DIP2C: variants seen among roughly 807,000 people sequenced by gnomAD.
DIP2C encodes DIP2 acetate--CoA ligase C (putative).
DIP2C carries 33 observed loss-of-function variants against 192.4 expected under a neutral mutation model. The observed-to-expected ratio is 0.17, with a 90% CI of 0.13 to 0.23. The LOEUF (loss-of-function observed/expected upper bound fraction) is 0.23, where lower values mean the gene tolerates loss of function less well. DIP2C is among the 10% of genes least tolerant of loss of function. The pLI is 1.00. For missense variants in DIP2C, 1,537 were observed against 2,110.1 expected (o/e 0.73, Z 5.32); for synonymous variants, 979 against 864.1 (o/e 1.13, Z -2.33).
intron 1 of DIP2C, among the ~76,000 whole-genome samples, chr10:594,816 T>C (rs1368572653): frequency 6.6e-6 from 1 of 152,190 alleles, no homozygotes; most frequent in Non-Finnish European, 1.5e-5. Context: ...CGGGTTCAGA[T>C]CATGTCGAAT....
intron 3 of DIP2C, among the ~76,000 whole-genome samples, chr10:470,338 C>G (rs1476658652): frequency 6.6e-6 from 1 of 152,200 alleles, no homozygotes; most frequent in Non-Finnish European, 1.5e-5. Context: ...TTGGGTCTAG[C>G]TTCCCCTCCA....
chr10:372,995 G>C (rs1961173724), intron 17 of DIP2C, among the ~76,000 whole-genome samples: 1 of 152,200 alleles, frequency 6.6e-6, no homozygotes, highest in East Asian at 1.9e-4. Context: ...CATGCATAGG[G>C]ACTCGCTTAA....
At chr10:476,449 T>C (rs1843036711) in intron 2 of DIP2C, among the ~76,000 whole-genome samples, 1 of 152,212 alleles carries the variant, frequency 6.6e-6, no homozygotes, top group Non-Finnish European at 1.5e-5. Flanking sequence ...TAGCTAACAC[T>C]GCAGCCCTGG....
chr10:625,387 A>G (rs1023932699), intron 1 of DIP2C, among the ~76,000 whole-genome samples: 60 of 152,336 alleles, frequency 3.9e-4, no homozygotes, highest in Admixed American at 1.4e-3. Flanking sequence ...CCGATTCCTA[A>G]ATTAAACACT....
intron 1 of DIP2C, among the ~76,000 whole-genome samples, chr10:655,050 C>A (rs1006172844): frequency 5.3e-5 from 8 of 152,120 alleles, no homozygotes; most frequent in Admixed American, 3.3e-4. Flanking sequence ...GGGGAACTTG[C>A]TCAGGGGGCT....
At chr10:373,944 T>C (rs1961277176) in intron 17 of DIP2C, among the ~76,000 whole-genome samples, 1 of 152,194 alleles carries the variant, frequency 6.6e-6, no homozygotes, top group African/African-American at 2.4e-5. Flanking sequence ...ATACTCGCAA[T>C]AGCCCCCCGG....
intron 19 of DIP2C, chr10:364,906 A>T (rs1960005599): frequency 7.0e-6 from 4 of 567,886 alleles, no homozygotes; most frequent in Admixed American, 4.4e-5. Flanking sequence ...CTTGGTTTAC[A>T]AAACCACAAT....
At chr10:587,650 G>A (rs576401561) in intron 1 of DIP2C, among the ~76,000 whole-genome samples, 2 of 144,246 alleles carry the variant, frequency 1.4e-5, no homozygotes, top group South Asian at 4.5e-4. Context: ...ATCCACACCA[G>A]CCACTGCCTC....
intron 1 of DIP2C, among the ~76,000 whole-genome samples, chr10:570,990 C>T (rs906435468): frequency 2.0e-5 from 3 of 152,220 alleles, no homozygotes; most frequent in African/African-American, 7.2e-5. Flanking sequence ...GCAGCAAGAG[C>T]CCCGCAGGCT....
chr10:461,954 C>A (rs1034452594), intron 3 of DIP2C, among the ~76,000 whole-genome samples: 3 of 152,042 alleles, frequency 2.0e-5, no homozygotes, highest in Non-Finnish European at 2.9e-5. Flanking sequence ...GAAATTAAGG[C>A]AGAAATAAAT....
At chr10:513,755 T>C (rs1007373835) in intron 1 of DIP2C, among the ~76,000 whole-genome samples, 1 of 151,848 alleles carries the variant, frequency 6.6e-6, no homozygotes, top group Non-Finnish European at 1.5e-5. Context: ...TAGCTCACGA[T>C]TGTAACTGGT....
chr10:370,587 A>G (rs527914001), intron 17 of DIP2C, among the ~76,000 whole-genome samples: 11 of 152,238 alleles, frequency 7.2e-5, no homozygotes, highest in Non-Finnish European at 1.5e-4. Flanking sequence ...CAGCCCTGGA[A>G]AATGTCTAGC....
intron 1 of DIP2C, among the ~76,000 whole-genome samples, chr10:559,886 C>T (rs1849108923): frequency 1.3e-5 from 2 of 152,212 alleles, no homozygotes; most frequent in East Asian, 1.9e-4. Flanking sequence ...CCTGGCCATT[C>T]GTCTTTAACC....
intron 1 of DIP2C, among the ~76,000 whole-genome samples, chr10:649,384 G>C (rs1209123347): frequency 3.3e-5 from 5 of 152,176 alleles, no homozygotes; most frequent in Non-Finnish European, 5.9e-5. Context: ...GGGTGGGAGG[G>C]AACAGAGGGA....
At chr10:552,111 G>C (rs751413367) in intron 1 of DIP2C, among the ~76,000 whole-genome samples, 84 of 152,214 alleles carry the variant, frequency 5.5e-4, no homozygotes, top group African/African-American at 1.7e-3. Flanking sequence ...TTGCTGGAGA[G>C]ACACACTCTG....
At chr10:400,949 G>A (rs12765387) in intron 9 of DIP2C, among the ~76,000 whole-genome samples, 55,626 of 121,966 alleles carry the variant, frequency 0.46, 12,704 homozygotes, top group South Asian at 0.61. Flanking sequence ...TACACGTGTG[G>A]CAGCATTAGC....
chr10:548,391 C>T (rs934128655), intron 1 of DIP2C, among the ~76,000 whole-genome samples: 16 of 149,656 alleles, frequency 1.1e-4, no homozygotes, highest in African/African-American at 3.0e-4. Context: ...AAAAGAGCAT[C>T]GAACAGCCCC....
At chr10:277,878 T>C (rs1217823643) in intron 36 of DIP2C, among the ~76,000 whole-genome samples, 1 of 152,216 alleles carries the variant, frequency 6.6e-6, no homozygotes, top group Non-Finnish European at 1.5e-5. Flanking sequence ...GCGGAGTCTG[T>C]GTTCCAGTGC....
chr10:392,288 G>A (rs1190311097), intron 10 of DIP2C, among the ~76,000 whole-genome samples: 2 of 152,188 alleles, frequency 1.3e-5, no homozygotes, highest in Admixed American at 1.3e-4. Context: ...AGGAGAACAC[G>A]CGTGACTGTC....
Sources: gnomAD v4.1 joint callset for allele counts (sites outside exome capture counted in the v4.1 genomes callset) on GRCh38, gnomAD v4.1.1 for gene constraint, MANE v1.5 for transcripts, NCBI Gene and HGNC (gene_info 2026-07-23, HGNC 2026-07-21) for gene names.